The following JAM3 variants were observed in gnomAD, a reference collection of about 807,000 sequenced individuals.
JAM3 encodes the protein junctional adhesion molecule 3, also known as junctional adhesion molecule C.
Under a neutral mutation model 39.4 loss-of-function variants are expected in JAM3, and 31 were observed. The observed-to-expected ratio is 0.79, with a 90% CI of 0.59 to 1.06. JAM3 has a LOEUF of 1.06. JAM3 is among the 50% of genes least tolerant of loss of function. The pLI is 0.00. For synonymous variants in JAM3, 182 were observed against 148.7 expected (o/e 1.22, Z -1.63); for missense variants, 455 against 391.4 (o/e 1.16, Z -1.37).
intron 1 of JAM3, among the ~76,000 whole-genome samples, chr11:134,099,995 T>C (rs1241810053): frequency 3.3e-5 from 5 of 152,228 alleles, no homozygotes; most frequent in Middle Eastern, 3.2e-3. Context: ...TTTAAGTCAA[T>C]GTGTGCTATT....
At chr11:134,108,923 T>C (rs1402782373) in intron 1 of JAM3, among the ~76,000 whole-genome samples, 1 of 152,176 alleles carries the variant, frequency 6.6e-6, no homozygotes, top group Non-Finnish European at 1.5e-5. Flanking sequence ...AATATTATAT[T>C]ATTGGTAGAA....
At chr11:134,070,657 C>T (rs1337634597) in intron 1 of JAM3, among the ~76,000 whole-genome samples, 1 of 152,212 alleles carries the variant, frequency 6.6e-6, no homozygotes, top group Non-Finnish European at 1.5e-5. Flanking sequence ...CTGTCCTATT[C>T]ACAGCCTGGA....
rs1294724023 is a variant in JAM3, at chr11:134,151,767, CTT to C, written c.*2588_*2589del. 1 of 152,150 alleles carries C rather than the reference CTT, an allele frequency of 6.6e-6. No homozygotes were observed. The highest frequency in any genetic ancestry group is 2.1e-4 in the South Asian group (1 of 4,820). 9.4% of individuals were successfully genotyped at this position (152,150 alleles called of 1,614,324 possible). On this transcript the variant is annotated 3_prime_UTR_variant, in exon 9 of 9. Transcript: ENST00000299106. ...AAAAAAACCCAAACATTGCTTCATT[CTT>C]TGTTATTTGCTCTTACGTTGGGTTT...
intron 1 of JAM3, among the ~76,000 whole-genome samples, chr11:134,083,399 A>T (rs986645324): frequency 2.0e-5 from 3 of 152,228 alleles, no homozygotes; most frequent in Admixed American, 6.5e-5. Context: ...TGGAAGCCAG[A>T]ACAAATATTT....
intron 1 of JAM3, among the ~76,000 whole-genome samples, chr11:134,128,425 T>C (rs1023903994): frequency 2.0e-5 from 3 of 152,200 alleles, no homozygotes; most frequent in Non-Finnish European, 4.4e-5. Flanking sequence ...CTGTATTTGG[T>C]ATAAAGTCAG....
chr11:134,101,946 C>G (rs1428402675), intron 1 of JAM3, among the ~76,000 whole-genome samples: 2 of 151,994 alleles, frequency 1.3e-5, no homozygotes, highest in African/African-American at 4.8e-5. Flanking sequence ...TCTGTATTCC[C>G]AAGAGTCTGA....
intron 6 of JAM3, 72 bp from the exon 7 acceptor site, chr11:134,148,475 C>T: frequency 6.2e-7 from 1 of 1,607,702 alleles, no homozygotes; most frequent in Non-Finnish European, 8.5e-7. Flanking sequence ...GAAGGAGGCA[C>T]AGCAGGGCCA....
In JAM3 at chr11:134,151,589, C is replaced by G. The variant is rs755544461; in HGVS notation, c.*2408C>G. 1 of 152,124 alleles carries G rather than the reference C, an allele frequency of 6.6e-6. No individual in the cohort carries two copies. The highest frequency in any genetic ancestry group is 6.5e-5 in the Admixed American group (1 of 15,274). 9.4% of individuals were successfully genotyped at this position (152,124 alleles called of 1,614,324 possible). ...TGAGACTAGACGGAAAAGGAATACT[C>G]GTGTATTTTAAGATATGAATGTGAC... On this transcript the variant is annotated 3_prime_UTR_variant, in exon 9 of 9. Transcript: ENST00000299106.
chr11:134,126,545 A>T (rs552271288), intron 1 of JAM3: 2 of 152,334 alleles, frequency 1.3e-5, no homozygotes, highest in African/African-American at 4.8e-5. Context: ...AGGCTTCAGA[A>T]CTGGGTTACT....
At chr11:134,123,175 C>A (rs1942568709) in intron 1 of JAM3, among the ~76,000 whole-genome samples, 1 of 152,146 alleles carries the variant, frequency 6.6e-6, no homozygotes, top group South Asian at 2.1e-4. Context: ...CCACCTGGAT[C>A]ATATAATATA....
chr11:134,140,895 T>C, intron 3 of JAM3, 125 bp downstream of exon 3: 1 of 1,265,170 alleles, frequency 7.9e-7, no homozygotes, highest in South Asian at 1.4e-5. Flanking sequence ...GTTTTTTTTT[T>C]TTTAAAGATT....
chr11:134,149,889 G>A lies in JAM3; in HGVS notation c.*708G>A, dbSNP rs1472494191. The A allele has an allele frequency of 1.8e-5, 4 of 225,288 alleles. No homozygotes were observed. 14.0% of individuals were successfully genotyped at this position (225,288 alleles called of 1,614,324 possible). ...TAAGTCTGAAATGGTACTGAAATATGCTTTTCTATGGGTCTTGTTTATTTT... is the reference window on the plus strand; with the variant it reads ...TAAGTCTGAAATGGTACTGAAATATACTTTTCTATGGGTCTTGTTTATTTT... On this transcript the variant is annotated 3_prime_UTR_variant, in exon 9 of 9. Transcript: ENST00000299106.
At chr11:134,135,215 AC>A (rs1252192242) in intron 1 of JAM3, among the ~76,000 whole-genome samples, 5 of 152,200 alleles carry the variant, frequency 3.3e-5, no homozygotes, top group Non-Finnish European at 7.3e-5. Flanking sequence ...TAAGGGTCTA[AC>A]TTCATCATTG....
At chr11:134,123,630 CT>C (rs1942581271) in intron 1 of JAM3, among the ~76,000 whole-genome samples, 1 of 152,208 alleles carries the variant, frequency 6.6e-6, no homozygotes. Flanking sequence ...TTTCTCTTTT[CT>C]TAAACATTTT....
In JAM3 at chr11:134,107,029, A is replaced by T. The variant is rs1591785943; in HGVS notation, c.77-32822A>T. On this transcript the variant is annotated intron_variant, in intron 1 of 8. Transcript: ENST00000299106. ...ATCATACTGCTATAAAGACACATGC[A>T]CACGTATGTGTATTGTGGCACTATT... is the stretch of plus-strand genomic sequence containing the variant. Among the ~76,000 whole-genome samples the T allele has an allele frequency of 6.6e-5, 10 of 152,330 alleles. 1 individual carries two copies. The South Asian group carries it at 2.1e-3, about 32-fold the overall frequency.
intron 1 of JAM3, among the ~76,000 whole-genome samples, chr11:134,107,428 A>G (rs568303954): frequency 6.6e-4 from 100 of 152,264 alleles, no homozygotes; most frequent in Middle Eastern, 6.8e-3. Flanking sequence ...ACATGTATAC[A>G]TGTGTAACAA....
intron 3 of JAM3, among the ~76,000 whole-genome samples, chr11:134,142,689 C>CA (rs747804906): frequency 7.0e-4 from 106 of 152,220 alleles, no homozygotes; most frequent in Non-Finnish European, 1.0e-3. Flanking sequence ...TTAATATACT[C>CA]ACAGTTGTGC....
intron 1 of JAM3, among the ~76,000 whole-genome samples, chr11:134,094,781 GTTGT>G (rs1941946180): frequency 2.0e-5 from 3 of 152,308 alleles, no homozygotes; most frequent in South Asian, 4.1e-4. Context: ...GAATTAGAAT[GTTGT>G]TTGTGTGTGT....
At chr11:134,114,123 T>C (rs1027077325) in intron 1 of JAM3, among the ~76,000 whole-genome samples, 9 of 152,278 alleles carry the variant, frequency 5.9e-5, no homozygotes, top group Non-Finnish European at 1.2e-4. Flanking sequence ...GTTGCAAAAA[T>C]TTTCTCCCAT....
Sources: allele counts gnomAD v4.1 joint callset (sites outside exome capture counted in the v4.1 genomes callset), GRCh38; gene constraint gnomAD v4.1.1; transcripts MANE v1.5; gene names NCBI Gene and HGNC (gene_info 2026-07-23, HGNC 2026-07-21).